YES1: variants seen among roughly 807,000 people sequenced by gnomAD.
The protein encoded by YES1 is tyrosine-protein kinase Yes.
Under a neutral mutation model 70.4 loss-of-function variants are expected in YES1, and 39 were observed. The observed-to-expected ratio is 0.55, with a 90% CI of 0.43 to 0.72. The LOEUF (loss-of-function observed/expected upper bound fraction) is 0.72, where lower values mean the gene tolerates loss of function less well. YES1 is among the 30% of genes least tolerant of loss of function. YES1 has a pLI of 0.00. For synonymous variants in YES1, 198 were observed against 218.6 expected, an observed-to-expected ratio of 0.91 and a Z score of 0.83; for missense variants, 495 against 644.8, an observed-to-expected ratio of 0.77 and a Z score of 2.52.
intron 1 of YES1, among the ~76,000 whole-genome samples, chr18:795,319 G>C (rs750991971): frequency 2.6e-5 from 4 of 152,096 alleles, no homozygotes; most frequent in Non-Finnish European, 5.9e-5. Context: ...TGGTGGTGGG[G>C]ACACGTATAC....
chr18:772,588 A>G (rs1306755835), intron 1 of YES1, among the ~76,000 whole-genome samples: 1 of 151,708 alleles, frequency 6.6e-6, no homozygotes, highest in African/African-American at 2.4e-5. Context: ...ACACGCCACC[A>G]TGCCCAGCTA....
chr18:765,565 A>AT (rs927020805), intron 1 of YES1, among the ~76,000 whole-genome samples: 14 of 151,402 alleles, frequency 9.2e-5, no homozygotes, highest in South Asian at 2.1e-4. Context: ...CACCCAGCTA[A>AT]TTTTTTGTAT....
At chr18:735,237 T>C (rs2080139370) in intron 10 of YES1, among the ~76,000 whole-genome samples, 1 of 151,330 alleles carries the variant, frequency 6.6e-6, no homozygotes, top group Non-Finnish European at 1.5e-5. Flanking sequence ...ATTGCAGATA[T>C]GGAGCCAATC....
chr18:745,713 T>C lies in YES1; in HGVS notation c.719A>G (p.Tyr240Cys). ...FDTLQKLVKH[Y>C]TEHADGLCHK... The stretch of plus-strand genomic sequence containing the variant: ...CCTTTGAAATATTCACATACCTGTG[T>C]AGTGTTTCACCAATTTCTGCAGAGT... The change falls in exon 6 of 12, where the codon TAC becomes TGC. Residue 240 changes from tyrosine (Y) to cysteine (C), a missense_variant. Tyr to Cys is a radical substitution (Grantham distance 194, BLOSUM62 -2). Transcript: ENST00000314574. 6.2e-7 allele frequency: 1 copy of C among 1,608,442 alleles called. No individual in the cohort carries two copies. The highest frequency in any genetic ancestry group is 8.5e-7 in the Non-Finnish European group (1 of 1,178,638).
At chr18:736,693 T>C in intron 10 of YES1, 115 bp downstream of exon 10, 2 of 1,359,010 alleles carry the variant, frequency 1.5e-6, no homozygotes, top group Non-Finnish European at 2.0e-6. Context: ...TCAATGTCTC[T>C]ATGACTCTTC....
chr18:724,746 CTTTT>C, intron 11 of YES1, 114 bp from the exon 12 acceptor site: 1 of 754,982 alleles, frequency 1.3e-6, no homozygotes, highest in Non-Finnish European at 2.1e-6. Context: ...TGAAACAATT[CTTTT>C]AACAAAGCAA....
chr18:791,176 G>A (rs1906227967), intron 1 of YES1, among the ~76,000 whole-genome samples: 1 of 151,648 alleles, frequency 6.6e-6, no homozygotes, highest in Non-Finnish European at 1.5e-5. Context: ...CTTGAGTCCA[G>A]GAGGCGGAGG....
At chr18:810,082 A>G (rs953738741) in intron 1 of YES1, among the ~76,000 whole-genome samples, 1 of 151,330 alleles carries the variant, frequency 6.6e-6, no homozygotes, top group Non-Finnish European at 1.5e-5. Flanking sequence ...TTGTTTTGGC[A>G]TTAGTCTTCT....
At chr18:746,615 G>A (rs2080284029) in intron 4 of YES1, among the ~76,000 whole-genome samples, 1 of 152,158 alleles carries the variant, frequency 6.6e-6, no homozygotes, top group Non-Finnish European at 1.5e-5. Flanking sequence ...AAGAGTTATT[G>A]AGACACATTA....
intron 1 of YES1, among the ~76,000 whole-genome samples, chr18:811,636 A>G (rs1366714746): frequency 6.6e-6 from 1 of 151,932 alleles, no homozygotes; most frequent in African/African-American, 2.4e-5. Flanking sequence ...AAAGCCAGAA[A>G]GGCTCATCCA....
At chr18:759,444 G>A (rs1332372098) in intron 1 of YES1, among the ~76,000 whole-genome samples, 1 of 152,180 alleles carries the variant, frequency 6.6e-6, no homozygotes, top group African/African-American at 2.4e-5. Flanking sequence ...TCCAGCCTGG[G>A]CGACAAGAAC....
chr18:791,975 A>G (rs976724026), intron 1 of YES1, among the ~76,000 whole-genome samples: 13 of 152,158 alleles, frequency 8.5e-5, no homozygotes, highest in Admixed American at 8.5e-4. Flanking sequence ...TTACACTTAC[A>G]GTACATCTCA....
chr18:793,002 A>G (rs2145820236), intron 1 of YES1, among the ~76,000 whole-genome samples: 1 of 151,834 alleles, frequency 6.6e-6, no homozygotes, highest in Non-Finnish European at 1.5e-5. Context: ...GGCAAACAAT[A>G]GAAAGAGTCT....
chr18:747,984 T>A lies in YES1; in HGVS notation c.406A>T (p.Thr136Ser). The change falls in exon 4 of 12, where the codon ACA becomes TCA. Residue 136 changes from threonine (T) to serine (S), a missense_variant. By Grantham distance (58) the Thr-to-Ser change is moderately conservative (BLOSUM62 1). This residue lies in a region of YES1 where 385 missense variants were observed against 540.9 expected (regional missense o/e 0.71). Coordinates refer to ENST00000314574, the MANE Select transcript of YES1 (RefSeq NM_005433.4). The part of the protein sequence containing the change: ...GDWWEARSIA[T>S]GKNGYIPSNY... ...CTCGGGATATAACCATTCTTTCCTG[T>A]AGCGATTGATCTTGCTTCCCACCAA... 3 of 1,613,914 alleles carry A rather than the reference T, an allele frequency of 1.9e-6. No homozygotes were observed. The African/African-American group carries it at 4.0e-5, about 22-fold the overall frequency.
intron 11 of YES1, among the ~76,000 whole-genome samples, chr18:731,966 C>CAA (rs1165333694): frequency 0.18 from 14,417 of 79,572 alleles, 1,975 homozygotes; most frequent in African/African-American, 0.26. Context: ...GACTCCATTT[C>CAA]AAAAAAAAAA....
intron 2 of YES1, among the ~76,000 whole-genome samples, chr18:753,763 G>C (rs1400310157): frequency 6.6e-6 from 1 of 152,146 alleles, no homozygotes; most frequent in Non-Finnish European, 1.5e-5. Context: ...TAGAATTAAA[G>C]GTGTGAGCCA....
Position 756,682 on chromosome 18 carries a change from C to A in YES1, c.146G>T (p.Gly49Val), listed in dbSNP as rs1250237194. 1 of 1,614,162 alleles carries A rather than the reference C, an allele frequency of 6.2e-7. No individual in the cohort carries two copies. The highest frequency in any genetic ancestry group is 1.7e-5 in the Admixed American group (1 of 60,010). The change falls in exon 2 of 12, where the codon GGA (glycine) becomes GTA (valine). Residue 49 changes from glycine to valine, a missense_variant. Physicochemically the swap from Gly to Val is moderately radical, Grantham distance 109 (BLOSUM62 -3). Transcript: ENST00000314574. The stretch of plus-strand genomic sequence containing the variant: ...AAGACTGCTGAAATTAACTGCTGTT[C>A]CCTTTGCTGAAGATGACGGACATGG... ...VSPCPSSSAK[G>V]TAVNFSSLSM...
At chr18:768,599 AAC>A (rs1375647531) in intron 1 of YES1, among the ~76,000 whole-genome samples, 3 of 152,200 alleles carry the variant, frequency 2.0e-5, no homozygotes, top group Non-Finnish European at 4.4e-5. Flanking sequence ...TGTGCAGCGT[AAC>A]ATTTTGGTCA....
rs1031365786 is a variant in YES1 at position 721,839 on chromosome 18, T to C, written c.*2585A>G. The C allele has an allele frequency of 1.3e-5, 2 of 152,670 alleles. No homozygotes were observed. Among genetic ancestry groups the C allele is most frequent in the African/African-American group, 4.8e-5 (2 of 41,458 alleles). The allele number at this position is 152,670 out of a possible 1,614,324, so 9.5% of individuals were successfully genotyped here. On this transcript the variant is annotated 3_prime_UTR_variant, in exon 12 of 12. Transcript: ENST00000314574. ...ATTAAGTTTAGGCTACCATTATTCA[T>C]TTAAAAAAGTGTGCTAGAAGGCTGT...
Sources: gnomAD v4.1 joint callset for allele counts (sites outside exome capture counted in the v4.1 genomes callset) on GRCh38, gnomAD v4.1.1 for gene constraint, gnomAD v4.1.1 regional missense constraint, MANE v1.5 for transcripts, NCBI Gene and HGNC (gene_info 2026-07-23, HGNC 2026-07-21) for gene names.